The following DAAM2 variants were observed in gnomAD, a reference collection of about 807,000 sequenced individuals.
DAAM2 encodes the protein disheveled-associated activator of morphogenesis 2.
A neutral mutation model predicts 120.7 loss-of-function variants in DAAM2; 39 were observed. The observed-to-expected ratio is 0.32, with a 90% CI of 0.25 to 0.42. The LOEUF (loss-of-function observed/expected upper bound fraction) is 0.42. Among genes scored for constraint, DAAM2 ranks in the 10% least tolerant of loss-of-function variants. The pLI, the probability that DAAM2 is intolerant of heterozygous loss-of-function variation, is 1.00. For synonymous variants in DAAM2, 488 were observed against 524.9 expected (o/e 0.93, Z 0.96); for missense variants, 1,283 against 1,401.7 (o/e 0.92, Z 1.35).
At chr6:39,891,275 T>C in intron 17 of DAAM2, 66 bp from the exon 18 acceptor site, 6 of 1,303,166 alleles carry the variant, frequency 4.6e-6, no homozygotes, top group Non-Finnish European at 6.5e-6. Context: ...GTACAGCTTC[T>C]CACACCCTGT....
At chr6:39,861,291 A>C in intron 3 of DAAM2, 1 of 486,232 alleles carries the variant, frequency 2.1e-6, no homozygotes, top group South Asian at 1.9e-5. Flanking sequence ...AAAGAAGCAG[A>C]GTCTGGACTC....
intron 23 of DAAM2, among the ~76,000 whole-genome samples, chr6:39,900,761 ATCTT>A (rs1390369332): frequency 2.6e-5 from 4 of 152,120 alleles, no homozygotes; most frequent in Non-Finnish European, 5.9e-5. Context: ...GAGTAGTGAG[ATCTT>A]TCTTAGAGGA....
chr6:39,844,620 T>C (rs1490121788), intron 1 of DAAM2, among the ~76,000 whole-genome samples: 1 of 152,102 alleles, frequency 6.6e-6, no homozygotes, highest in Non-Finnish European at 1.5e-5. Flanking sequence ...TCCCAGGCCA[T>C]AGTGTGGTTC....
At chr6:39,859,773 T>C (rs1471556692) in intron 2 of DAAM2, among the ~76,000 whole-genome samples, 1 of 152,180 alleles carries the variant, frequency 6.6e-6, no homozygotes, top group East Asian at 1.9e-4. Flanking sequence ...CTAGAAAAAA[T>C]TGAAAATATA....
intron 1 of DAAM2, among the ~76,000 whole-genome samples, chr6:39,799,582 T>A (rs1761800389): frequency 6.6e-6 from 1 of 152,252 alleles, no homozygotes; most frequent in East Asian, 1.9e-4. Flanking sequence ...GTTAAATATT[T>A]CTTTTGATCC....
chr6:39,822,567 C>T (rs1344487533), intron 1 of DAAM2: 2 of 152,192 alleles, frequency 1.3e-5, no homozygotes, highest in African/African-American at 4.8e-5. Context: ...ACCTTGAATG[C>T]ACCAATCACT....
intron 1 of DAAM2, among the ~76,000 whole-genome samples, chr6:39,855,018 T>A (rs1028029312): frequency 6.6e-6 from 1 of 152,188 alleles, no homozygotes; most frequent in Non-Finnish European, 1.5e-5. Context: ...CCAGGAGAAA[T>A]AGCTAAGAAT....
At chr6:39,895,309 C>T (rs769643523) in intron 19 of DAAM2, among the ~76,000 whole-genome samples, 4 of 150,626 alleles carry the variant, frequency 2.7e-5, no homozygotes, top group African/African-American at 9.8e-5. Context: ...GATCTCGGCT[C>T]ACTGCAACCT....
At chr6:39,854,885 T>C (rs1159229044) in intron 1 of DAAM2, among the ~76,000 whole-genome samples, 1 of 152,168 alleles carries the variant, frequency 6.6e-6, no homozygotes, top group Non-Finnish European at 1.5e-5. Context: ...TGATGAAACT[T>C]CCCTGGCATT....
In DAAM2 at chr6:39,867,559, T is replaced by A. The variant is rs1359720299; in HGVS notation, c.478T>A (p.Phe160Ile). 1 of 1,613,912 alleles carries A rather than the reference T, an allele frequency of 6.2e-7. No homozygotes were observed. The highest frequency in any genetic ancestry group is 8.5e-7 in the Non-Finnish European group (1 of 1,179,906). Residue 160 changes from phenylalanine (F) to isoleucine (I), a missense_variant, in exon 6 of 25, where the codon TTC (phenylalanine) becomes ATC (isoleucine). Around this residue, in one of 3 missense-constraint regions of DAAM2, gnomAD observed 338 missense variants for 443.9 expected, o/e 0.76. Coordinates refer to ENST00000274867, the MANE Select transcript of DAAM2 (RefSeq NM_001201427.2). Reference sequence around the variant, plus strand: ...GGAGGGCTTGACCTGTCTGCTAAATTTCCTCCGGAGCATGGACCACGCCAC... The same window carrying A: ...GGAGGGCTTGACCTGTCTGCTAAATATCCTCCGGAGCATGGACCACGCCAC... ...ELEGLTCLLNFLRSMDHATCE... is the reference protein window; with the variant it reads ...ELEGLTCLLNILRSMDHATCE...
At chr6:39,845,132 TACAC>T (rs1174658843) in intron 1 of DAAM2, among the ~76,000 whole-genome samples, 2 of 110,790 alleles carry the variant, frequency 1.8e-5, no homozygotes, top group Non-Finnish European at 3.8e-5. Context: ...AAACCCCATC[TACAC>T]ACACATTACA....
intron 1 of DAAM2, among the ~76,000 whole-genome samples, chr6:39,824,466 C>T (rs973169488): frequency 3.9e-5 from 6 of 152,166 alleles, no homozygotes; most frequent in African/African-American, 1.4e-4. Context: ...TTTGACATCC[C>T]CTGTGGGGCG....
intron 1 of DAAM2, among the ~76,000 whole-genome samples, chr6:39,836,670 T>G (rs1477330603): frequency 6.6e-6 from 1 of 152,170 alleles, no homozygotes; most frequent in East Asian, 1.9e-4. Flanking sequence ...TAACAAGCCC[T>G]CCAGGAAATT....
At chr6:39,815,651 T>TACACACACACACACACACACACACACAC (rs56736428) in intron 1 of DAAM2, among the ~76,000 whole-genome samples, 36 of 149,074 alleles carry the variant, frequency 2.4e-4, no homozygotes, top group African/African-American at 8.9e-4. Flanking sequence ...ACCCCTGGTT[T>TACACACACACACACACACACACACACAC]ACACACACAC....
At chr6:39,847,756 A>G (rs1582668026) in intron 1 of DAAM2, among the ~76,000 whole-genome samples, 1 of 150,758 alleles carries the variant, frequency 6.6e-6, no homozygotes, top group African/African-American at 2.4e-5. Context: ...TTGCCTCCCA[A>G]CTCTTCCACT....
intron 15 of DAAM2, chr6:39,884,416 G>A (rs1015584834): frequency 5.6e-5 from 12 of 213,986 alleles, no homozygotes; most frequent in Admixed American, 1.0e-4. Flanking sequence ...AGGTAGAGTC[G>A]CAAGGCCTGA....
chr6:39,886,777 A>C, intron 15 of DAAM2: 1 of 259,902 alleles, frequency 3.8e-6, no homozygotes, highest in Non-Finnish European at 7.2e-6. Flanking sequence ...AAAGATAACC[A>C]TGCAAGGCGG....
rs1450834513 is a variant in DAAM2, at chr6:39,856,523, G to A, written c.168+53G>A. 1.2e-5 allele frequency: 16 copies of A among 1,345,458 alleles called. No homozygotes were observed. The South Asian group carries it at 2.2e-4, about 18-fold the overall frequency. 83.3% of individuals were successfully genotyped at this position (1,345,458 alleles called of 1,614,324 possible). ...GACAATGGGGAGGAGGGTGGATGGA[G>A]AGGCAGAGCTGGACAGAGGGCAGGG... On this transcript the variant is annotated intron_variant, in intron 2 of 24. Coordinates refer to ENST00000274867, the MANE Select transcript of DAAM2 (RefSeq NM_001201427.2).
rs1310927120 is a variant in DAAM2, at chr6:39,873,324, C to T, written c.1131C>T (p.Leu377=). Residue 377 remains leucine (L), a synonymous_variant, in exon 10 of 25, where the codon CTC becomes CTT. Coordinates refer to ENST00000274867, the MANE Select transcript of DAAM2 (RefSeq NM_001201427.2). ...LKYTEAYPCL[L]SVLHHCLQMP... ...ACACGGAGGCCTACCCCTGCCTGCT[C>T]TCTGTGCTGCACCACTGCCTGCAGA... is the stretch of plus-strand genomic sequence containing the variant. 2.5e-6 allele frequency: 4 copies of T among 1,613,220 alleles called. No individual in the cohort carries two copies. The highest frequency in any genetic ancestry group is 3.4e-6 in the Non-Finnish European group (4 of 1,179,546).
Sources: gnomAD v4.1 joint callset for allele counts (sites outside exome capture counted in the v4.1 genomes callset) on GRCh38, gnomAD v4.1.1 for gene constraint, gnomAD v4.1.1 regional missense constraint, MANE v1.5 for transcripts, NCBI Gene and HGNC (gene_info 2026-07-23, HGNC 2026-07-21) for gene names.